ETV6: variants seen among roughly 807,000 people sequenced by gnomAD.
The protein encoded by ETV6 is ETS variant transcription factor 6, also known as transcription factor ETV6.
ETV6 carries 16 observed loss-of-function variants against 51.1 expected under a neutral mutation model. The ratio of observed to expected loss-of-function variants is 0.31; its 90% CI spans 0.21 to 0.48. ETV6 has a LOEUF of 0.48. Among genes scored for constraint, ETV6 ranks in the 20% least tolerant of loss-of-function variants. The pLI is 0.99. For missense variants in ETV6, 458 were observed against 594.8 expected, an observed-to-expected ratio of 0.77 and a Z score of 2.39; for synonymous variants, 240 against 224.1, an observed-to-expected ratio of 1.07 and a Z score of -0.64.
intron 3 of ETV6, chr12:11,840,611 G>A (rs1591711555): frequency 2.3e-6 from 1 of 428,212 alleles, no homozygotes; most frequent in Non-Finnish European, 4.7e-6. Context: ...CATTACAGGA[G>A]ATGAGATAAA....
Position 11,803,150 on chromosome 12 carries a change from A to G in ETV6, c.164-35990A>G, listed in dbSNP as rs184902218. ...TCCCAACTCTCCAAATTTCTGCCCC[A>G]GCTTGGTGCTCTTTGCTTTGTTTAT... On this transcript the variant is annotated intron_variant, in intron 2 of 7. Coordinates refer to ENST00000396373, the MANE Select transcript of ETV6 (RefSeq NM_001987.5). 2.6e-3 allele frequency among the ~76,000 whole-genome samples: 401 copies of G among 152,310 alleles called. 2 individuals carry two copies. Among genetic ancestry groups the G allele is most frequent in the Admixed American group, 7.7e-3 (118 of 15,292 alleles).
chr12:11,890,987 C>T lies in ETV6; in HGVS notation c.1300C>T (p.Leu434=), dbSNP rs760897063. 25 of 1,613,826 alleles carry T rather than the reference C, an allele frequency of 1.5e-5. No homozygotes were observed. The highest frequency in any genetic ancestry group is 2.2e-5 in the South Asian group (2 of 91,072). Reference sequence around the variant, plus strand: ...AATCATGAGTGGCCGAACAGACCGTCTGGAGCACCTAGAGTCCCAGGAGCT... The same window carrying T: ...AATCATGAGTGGCCGAACAGACCGTTTGGAGCACCTAGAGTCCCAGGAGCT... ...DEIMSGRTDR[L]EHLESQELDE... Residue 434 remains leucine, a synonymous_variant, in exon 8 of 8, where the codon CTG becomes TTG. Transcript: ENST00000396373.
At chr12:11,715,554 T>C (rs956074590) in intron 1 of ETV6, among the ~76,000 whole-genome samples, 1 of 152,226 alleles carries the variant, frequency 6.6e-6, no homozygotes, top group Non-Finnish European at 1.5e-5. Flanking sequence ...ACAGCTGGGA[T>C]CCAAACCCAG....
intron 2 of ETV6, among the ~76,000 whole-genome samples, chr12:11,753,859 A>G (rs1793615309): frequency 6.6e-6 from 1 of 152,196 alleles, no homozygotes; most frequent in Non-Finnish European, 1.5e-5. Context: ...GTTGCTGCCT[A>G]CTATGGTCAA....
At chr12:11,691,340 G>A (rs529589192) in intron 1 of ETV6, among the ~76,000 whole-genome samples, 1 of 152,174 alleles carries the variant, frequency 6.6e-6, no homozygotes, top group East Asian at 1.9e-4. Context: ...CTAGGACCTG[G>A]AGCATAACCT....
chr12:11,791,862 T>TAA (rs952114689), intron 2 of ETV6, among the ~76,000 whole-genome samples: 1 of 151,460 alleles, frequency 6.6e-6, no homozygotes, highest in African/African-American at 2.4e-5. Context: ...GGTGGTCGTT[T>TAA]AAAAAAAAAG....
chr12:11,735,086 C>CTTTCT (rs1865677622), intron 1 of ETV6, among the ~76,000 whole-genome samples: 1 of 76,230 alleles, frequency 1.3e-5, no homozygotes, highest in African/African-American at 5.6e-5. Context: ...GCAAGGTGGC[C>CTTTCT]TTTTTTTTTT....
intron 1 of ETV6, among the ~76,000 whole-genome samples, chr12:11,663,422 G>A (rs1287671205): frequency 6.6e-6 from 1 of 152,196 alleles, no homozygotes; most frequent in East Asian, 1.9e-4. Context: ...CAGGGTTTGT[G>A]CTTGTGACTC....
chr12:11,800,173 G>T (rs957990471), intron 2 of ETV6, among the ~76,000 whole-genome samples: 1 of 152,040 alleles, frequency 6.6e-6, no homozygotes, highest in Non-Finnish European at 1.5e-5. Flanking sequence ...AAATATCCCA[G>T]GCCATTTTCT....
chr12:11,732,385 A>T (rs1157781839), intron 1 of ETV6, among the ~76,000 whole-genome samples: 1 of 152,170 alleles, frequency 6.6e-6, no homozygotes, highest in African/African-American at 2.4e-5. Context: ...AAAAATGAGG[A>T]TGCTGGTCTC....
rs900510881 is a variant in ETV6, at chr12:11,819,427, C to T, written c.164-19713C>T. On this transcript the variant is annotated intron_variant, in intron 2 of 7. Transcript: ENST00000396373. ...CCTCTGGAAAACTCACCTACTCCAG[C>T]GGCTTCAACGATCATCAGTGCGATG... is the stretch of plus-strand genomic sequence containing the variant. Among the ~76,000 whole-genome samples, 9 of 152,224 alleles carry T rather than the reference C, an allele frequency of 5.9e-5. 1 individual carries two copies. Among genetic ancestry groups the T allele is most frequent in the African/African-American group, 1.7e-4 (7 of 41,460 alleles).
rs551211922 is a variant in ETV6 at position 11,775,563 on chromosome 12, A to T, written c.163+22984A>T. ...CACTGTGAATACCGTGGTAGACAAG[A>T]ACAGACGCTTTTCTTGTTAATCCGT... On this transcript the variant is annotated intron_variant, in intron 2 of 7. Coordinates refer to ENST00000396373, the MANE Select transcript of ETV6 (RefSeq NM_001987.5). 4.6e-5 allele frequency among the ~76,000 whole-genome samples: 7 copies of T among 152,336 alleles called. No individual in the cohort carries two copies. In the South Asian group the frequency reaches 1.4e-3, roughly 32 times the overall value.
chr12:11,880,329 A>G (rs558431783), intron 5 of ETV6, among the ~76,000 whole-genome samples: 1 of 152,336 alleles, frequency 6.6e-6, no homozygotes, highest in South Asian at 2.1e-4. Context: ...GGTTGTTTTC[A>G]CATTTATGAA....
intron 1 of ETV6, among the ~76,000 whole-genome samples, chr12:11,747,368 C>T (rs1294841415): frequency 1.3e-5 from 2 of 152,060 alleles, no homozygotes; most frequent in Admixed American, 6.5e-5. Context: ...GCCCCTATAC[C>T]ATCTTGGATG....
chr12:11,750,781 A>G (rs1177500140), intron 1 of ETV6: 5 of 442,064 alleles, frequency 1.1e-5, no homozygotes, highest in African/African-American at 7.6e-5. Flanking sequence ...TATGTTTCCT[A>G]TATGTGTGGG....
chr12:11,714,037 G>C (rs1261675610), intron 1 of ETV6, among the ~76,000 whole-genome samples: 1 of 152,218 alleles, frequency 6.6e-6, no homozygotes, highest in Admixed American at 6.5e-5. Flanking sequence ...AGGACCCACA[G>C]ATGATGCATA....
intron 2 of ETV6, among the ~76,000 whole-genome samples, chr12:11,778,893 C>A (rs1945372889): frequency 1.3e-5 from 2 of 152,194 alleles, no homozygotes; most frequent in Admixed American, 1.3e-4. Flanking sequence ...AGTGATACAG[C>A]CCTAGGGCTG....
chr12:11,840,309 TCA>T (rs1946370746), intron 3 of ETV6, among the ~76,000 whole-genome samples: 1 of 152,202 alleles, frequency 6.6e-6, no homozygotes, highest in South Asian at 2.1e-4. Flanking sequence ...AAGATTTGTC[TCA>T]GTTTCATTTC....
chr12:11,853,891 T>C (rs1215283166), intron 4 of ETV6, among the ~76,000 whole-genome samples: 1 of 152,170 alleles, frequency 6.6e-6, no homozygotes, highest in Non-Finnish European at 1.5e-5. Flanking sequence ...AGAGCAGTGC[T>C]CCCCACCCTT....
Sources: gnomAD v4.1 joint callset for allele counts (sites outside exome capture counted in the v4.1 genomes callset) on GRCh38, gnomAD v4.1.1 for gene constraint, MANE v1.5 for transcripts, NCBI Gene and HGNC (gene_info 2026-07-23, HGNC 2026-07-21) for gene names.